Variants in GRID2 observed in about 807,000 individuals in gnomAD.
GRID2 encodes glutamate ionotropic receptor delta type subunit 2, also known as glutamate receptor ionotropic, delta-2.
GRID2 carries 33 observed loss-of-function variants against 114.8 expected under a neutral mutation model. The observed-to-expected ratio is 0.29, with a 90% CI of 0.22 to 0.38. The LOEUF (loss-of-function observed/expected upper bound fraction) is 0.38. GRID2 is among the 10% of genes least tolerant of loss of function. The probability of loss-of-function intolerance (pLI) is 1.00; values close to 1 mark genes in which losing one functional copy is unlikely to be tolerated. For missense variants in GRID2, 1,184 were observed against 1,257.7 expected, an observed-to-expected ratio of 0.94 and a Z score of 0.89; for synonymous variants, 505 against 449.9, an observed-to-expected ratio of 1.12 and a Z score of -1.55.
At chr4:92,820,985 C>T (rs975365917) in intron 2 of GRID2, among the ~76,000 whole-genome samples, 1 of 151,888 alleles carries the variant, frequency 6.6e-6, no homozygotes, top group Non-Finnish European at 1.5e-5. Context: ...TAAGATAAAA[C>T]AGCTAATTAT....
chr4:93,551,789 C>T (rs1235324885), intron 13 of GRID2, among the ~76,000 whole-genome samples: 1 of 152,168 alleles, frequency 6.6e-6, no homozygotes, highest in Non-Finnish European at 1.5e-5. Flanking sequence ...CTAAACTTTA[C>T]TCATATTAAA....
intron 12 of GRID2, among the ~76,000 whole-genome samples, chr4:93,506,171 C>A (rs558865123): frequency 3.9e-5 from 6 of 152,332 alleles, no homozygotes; most frequent in African/African-American, 9.6e-5. Flanking sequence ...AGGGCATCTA[C>A]TTTACATAAA....
At chr4:93,030,560 T>C (rs892495070) in intron 2 of GRID2, among the ~76,000 whole-genome samples, 2 of 151,720 alleles carry the variant, frequency 1.3e-5, no homozygotes, top group African/African-American at 4.8e-5. Context: ...AATTTTTGTA[T>C]TTTTAGTAGA....
At chr4:93,370,910 TTAC>T (rs1211423962) in intron 8 of GRID2, among the ~76,000 whole-genome samples, 2 of 152,178 alleles carry the variant, frequency 1.3e-5, no homozygotes, top group Non-Finnish European at 2.9e-5. Flanking sequence ...ATGAACTAAA[TTAC>T]TGTAAATTAA....
chr4:92,993,487 A>T (rs567479524), intron 2 of GRID2, among the ~76,000 whole-genome samples: 2 of 152,180 alleles, frequency 1.3e-5, no homozygotes, highest in African/African-American at 4.8e-5. Flanking sequence ...GGAATACAAA[A>T]TTTTTCAATA....
At chr4:93,325,015 GT>G (rs1237561893) in intron 8 of GRID2, among the ~76,000 whole-genome samples, 1 of 151,988 alleles carries the variant, frequency 6.6e-6, no homozygotes, top group African/African-American at 2.4e-5. Context: ...TTTTTGAAGG[GT>G]TTTTTGTGTC....
chr4:93,511,151 G>T (rs1729129039), intron 12 of GRID2, among the ~76,000 whole-genome samples: 1 of 151,962 alleles, frequency 6.6e-6, no homozygotes, highest in Non-Finnish European at 1.5e-5. Context: ...TGGCCAGGCT[G>T]GTCTCAATAT....
At chr4:93,059,788 A>T (rs1020106624) in intron 2 of GRID2, among the ~76,000 whole-genome samples, 1 of 151,472 alleles carries the variant, frequency 6.6e-6, no homozygotes, top group African/African-American at 2.4e-5. Context: ...TCCTCACTGT[A>T]TTTTCCAAAT....
At chr4:92,515,002 G>A (rs964818552) in intron 1 of GRID2, among the ~76,000 whole-genome samples, 4 of 151,754 alleles carry the variant, frequency 2.6e-5, no homozygotes, top group African/African-American at 4.8e-5. Context: ...ATCCAGCAGC[G>A]GATTGGATTA....
chr4:92,755,788 A>C (rs1274333161), intron 2 of GRID2, among the ~76,000 whole-genome samples: 1 of 152,168 alleles, frequency 6.6e-6, no homozygotes, highest in East Asian at 1.9e-4. Context: ...AGTGTATATC[A>C]TTGCAAGAAT....
chr4:93,255,178 C>T (rs1749427519), intron 8 of GRID2, among the ~76,000 whole-genome samples: 1 of 151,508 alleles, frequency 6.6e-6, no homozygotes, highest in Admixed American at 6.6e-5. Context: ...TCCAAGTAGG[C>T]ATTATTTTTT....
chr4:93,371,614 C>T (rs972475187), intron 8 of GRID2, among the ~76,000 whole-genome samples: 2 of 151,616 alleles, frequency 1.3e-5, no homozygotes, highest in African/African-American at 4.9e-5. Flanking sequence ...GATTCACATG[C>T]AAAATAATGT....
At chr4:92,911,561 A>G (rs1356225299) in intron 2 of GRID2, among the ~76,000 whole-genome samples, 5 of 151,888 alleles carry the variant, frequency 3.3e-5, no homozygotes, top group East Asian at 1.9e-4. Context: ...TCATTTGTGC[A>G]TATCTTTTTT....
At chr4:93,025,560 G>T (rs934810763) in intron 2 of GRID2, among the ~76,000 whole-genome samples, 1 of 151,708 alleles carries the variant, frequency 6.6e-6, no homozygotes, top group Non-Finnish European at 1.5e-5. Flanking sequence ...CAATATGAGA[G>T]AATTTTTATG....
chr4:93,540,573 T>G (rs979134925), intron 13 of GRID2, among the ~76,000 whole-genome samples: 3 of 152,016 alleles, frequency 2.0e-5, no homozygotes, highest in African/African-American at 4.8e-5. Context: ...ATTGGCAAAA[T>G]AGGGTTACAA....
At chr4:93,105,244 C>T (rs992688204) in intron 3 of GRID2, among the ~76,000 whole-genome samples, 1 of 151,802 alleles carries the variant, frequency 6.6e-6, no homozygotes, top group Non-Finnish European at 1.5e-5. Flanking sequence ...AAATTTTCTC[C>T]CATTTTGTAG....
rs141389855 is a variant in GRID2, at chr4:93,237,407, A to T, written c.1126-964A>T. 8.6e-3 allele frequency among the ~76,000 whole-genome samples: 1,307 copies of T among 152,048 alleles called. 18 individuals carry two copies. Among genetic ancestry groups the T allele is most frequent in the African/African-American group, 0.03 (1,246 of 41,538 alleles). Reference sequence around the variant, plus strand: ...CACAAATGAAGTAGAAGGAAAAGCAAATAGCATAATATTACTACCAGCCAG... The same window carrying T: ...CACAAATGAAGTAGAAGGAAAAGCATATAGCATAATATTACTACCAGCCAG... On this transcript the variant is annotated intron_variant, in intron 7 of 15. Transcript: ENST00000282020.
intron 11 of GRID2, among the ~76,000 whole-genome samples, chr4:93,489,941 T>G (rs1219924395): frequency 6.6e-6 from 1 of 151,886 alleles, no homozygotes; most frequent in Non-Finnish European, 1.5e-5. Flanking sequence ...GGGCTAGAAA[T>G]GTAAATTCTA....
chr4:93,030,588 T>C (rs1422591807), intron 2 of GRID2, among the ~76,000 whole-genome samples: 2 of 151,838 alleles, frequency 1.3e-5, no homozygotes, highest in Non-Finnish European at 2.9e-5. Context: ...TTTTGCCATG[T>C]TGGCCAGGCT....
Sources: allele counts gnomAD v4.1 joint callset (sites outside exome capture counted in the v4.1 genomes callset), GRCh38; gene constraint gnomAD v4.1.1; transcripts MANE v1.5; gene names NCBI Gene and HGNC (gene_info 2026-07-23, HGNC 2026-07-21).